BIRC6: variants seen among roughly 807,000 people sequenced by gnomAD.
The protein encoded by BIRC6 is dual E2 ubiquitin-conjugating enzyme/E3 ubiquitin-protein ligase BIRC6.
BIRC6 carries 98 observed loss-of-function variants against 503.3 expected under a neutral mutation model. The ratio of observed to expected loss-of-function variants is 0.19; its 90% CI spans 0.17 to 0.23. The LOEUF is 0.23. Ranked by LOEUF, BIRC6 falls within the 10% of genes least tolerant of loss-of-function variation. BIRC6 has a pLI of 1.00. For synonymous variants in BIRC6, 2,240 were observed against 2,078.7 expected (o/e 1.08, Z -2.11); for missense variants, 5,360 against 5,806.0 (o/e 0.92, Z 2.50).
Position 32,509,816 on chromosome 2 carries a change from A to T in BIRC6, c.10059A>T (p.Ala3353=). ...AAGGAATGATGGCAAGTGCAGCTGC[A>T]CCTACTGCTAATCTGCTGCAGACTT... The part of the protein sequence containing the change: ...DLEGMMASAA[A]PTANLLQTCA... The change falls in exon 52 of 74, where the codon GCA becomes GCT. Residue 3353 remains alanine, a synonymous_variant. Coordinates refer to ENST00000421745, the MANE Select transcript of BIRC6 (RefSeq NM_016252.4). 6.2e-7 allele frequency: 1 copy of T among 1,614,010 alleles called. No homozygotes were observed. The highest frequency in any genetic ancestry group is 8.5e-7 in the Non-Finnish European group (1 of 1,179,880).
intron 1 of BIRC6, among the ~76,000 whole-genome samples, chr2:32,376,356 T>C (rs2036780863): frequency 6.6e-6 from 1 of 152,160 alleles, no homozygotes; most frequent in African/African-American, 2.4e-5. Flanking sequence ...TATCACAGTT[T>C]TATAATATGT....
intron 1 of BIRC6, among the ~76,000 whole-genome samples, chr2:32,373,140 C>G (rs1274030377): frequency 6.6e-6 from 1 of 152,112 alleles, no homozygotes; most frequent in Non-Finnish European, 1.5e-5. Context: ...TCTATACTGC[C>G]CCAAACAATT....
At chr2:32,449,034 A>G (rs1317308905) in intron 22 of BIRC6, 106 bp downstream of exon 22, 5 of 1,067,596 alleles carry the variant, frequency 4.7e-6, no homozygotes, top group African/African-American at 1.6e-5. Flanking sequence ...TTAGAAAACT[A>G]AAATTCCTTA....
chr2:32,613,089 C>G (rs1046108105), intron 73 of BIRC6, among the ~76,000 whole-genome samples: 1 of 152,050 alleles, frequency 6.6e-6, no homozygotes, highest in Non-Finnish European at 1.5e-5. Context: ...GGCCTTTACA[C>G]ATGGTTTCCA....
At chr2:32,466,093 T>C (rs1245636623) in intron 26 of BIRC6, among the ~76,000 whole-genome samples, 1 of 152,204 alleles carries the variant, frequency 6.6e-6, no homozygotes, top group Non-Finnish European at 1.5e-5. Context: ...TCTTTCTTTT[T>C]TTTTAATAAT....
chr2:32,427,357 A>ACTGCAACCTCTGCCTCC (rs1366849623), intron 10 of BIRC6, among the ~76,000 whole-genome samples: 27 of 151,838 alleles, frequency 1.8e-4, no homozygotes, highest in Non-Finnish European at 2.9e-4. Context: ...ATCTCAGCTC[A>ACTGCAACCTCTGCCTCC]CTGCAACCTC....
At chr2:32,473,749 G>GTGTA (rs1219703396) in intron 33 of BIRC6, among the ~76,000 whole-genome samples, 1 of 81,190 alleles carries the variant, frequency 1.2e-5, no homozygotes, top group African/African-American at 4.9e-5. Context: ...GTGTGTGTGT[G>GTGTA]TATTTTTTTT....
In BIRC6 at chr2:32,448,830, T is replaced by A; in HGVS notation, c.4520T>A (p.Leu1507His). 1 of 1,613,602 alleles carries A rather than the reference T, an allele frequency of 6.2e-7. No homozygotes were observed. The highest frequency in any genetic ancestry group is 8.5e-7 in the Non-Finnish European group (1 of 1,179,638). ...TATAGCTCACCATTTGATCCAGTCC[T>A]CTTTGATTTGGAGATGAGTGGCTCT... is the stretch of plus-strand genomic sequence containing the variant. Reference protein sequence around the residue: ...GLYSSPFDPVLFDLEMSGSSC... With the variant: ...GLYSSPFDPVHFDLEMSGSSC... The change falls in exon 22 of 74, where the codon CTC (leucine) becomes CAC (histidine). Residue 1507 changes from leucine to histidine, a missense_variant. By Grantham distance (99) the Leu-to-His change is moderately conservative. Around this residue, in one of 16 missense-constraint regions of BIRC6, gnomAD observed 2,299 missense variants for 2,267.2 expected, o/e 1.01. Transcript: ENST00000421745.
intron 16 of BIRC6, among the ~76,000 whole-genome samples, 187 bp from the exon 17 acceptor site, chr2:32,441,142 T>TC (rs1359169750): frequency 6.6e-6 from 1 of 152,236 alleles, no homozygotes; most frequent in East Asian, 1.9e-4. Context: ...TGTCTTTTTT[T>TC]CCCCTATTAT....
intron 57 of BIRC6, among the ~76,000 whole-genome samples, chr2:32,524,078 C>T (rs1218210818): frequency 6.6e-6 from 1 of 150,822 alleles, no homozygotes; most frequent in East Asian, 1.9e-4. Flanking sequence ...GACTTGATAA[C>T]AGTTATATAG....
At chr2:32,420,032 C>T (rs558169984) in intron 10 of BIRC6, among the ~76,000 whole-genome samples, 3 of 152,156 alleles carry the variant, frequency 2.0e-5, no homozygotes, top group South Asian at 2.1e-4. Context: ...ATCAACTTTG[C>T]GTTCCTGGGA....
intron 21 of BIRC6, among the ~76,000 whole-genome samples, 165 bp from the exon 22 acceptor site, chr2:32,448,630 G>GGGAGACCGTGGAA (rs2046348994): frequency 6.6e-6 from 1 of 151,894 alleles, no homozygotes; most frequent in Non-Finnish European, 1.5e-5. Flanking sequence ...CGGCATCAGA[G>GGGAGACCGTGGAA]GGAGACCGTG....
Position 32,543,256 on chromosome 2 carries a change from G to A in BIRC6, c.12307G>A (p.Val4103Ile), listed in dbSNP as rs760932810. 6.2e-7 allele frequency: 1 copy of A among 1,613,768 alleles called. No individual in the cohort carries two copies. The highest frequency in any genetic ancestry group is 8.5e-7 in the Non-Finnish European group (1 of 1,179,688). ...EVIQQVSAPV[V>I]TSTTQEKPKD... ...TTTTCTTTAGGTGAGTGCTCCAGTT[G>A]TAACATCTACCACTCAGGAAAAGCC... is the stretch of plus-strand genomic sequence containing the variant. The change falls in exon 62 of 74, where the codon GTA becomes ATA. Residue 4103 changes from valine (V) to isoleucine (I), a missense_variant. This residue lies in a region of BIRC6 where 878 missense variants were observed against 928.9 expected (regional missense o/e 0.95). Coordinates refer to ENST00000421745, the MANE Select transcript of BIRC6 (RefSeq NM_016252.4).
rs993574623 is a variant in BIRC6, at chr2:32,474,911, C to T, written c.6721-1302C>T. On this transcript the variant is annotated intron_variant, in intron 33 of 73. Coordinates refer to ENST00000421745, the MANE Select transcript of BIRC6 (RefSeq NM_016252.4). ...CAGCCAAGTGGATTTTTAAAAATAA[C>T]GTTAGTGATGTTTTTTTTCCTGATA... is the stretch of plus-strand genomic sequence containing the variant. Among the ~76,000 whole-genome samples the T allele has an allele frequency of 2.6e-5, 4 of 151,538 alleles. No individual in the cohort carries two copies. In the East Asian group the frequency reaches 5.8e-4, roughly 22 times the overall value.
At chr2:32,448,651 G>A (rs543042720) in intron 21 of BIRC6, 144 bp from the exon 22 acceptor site, 22 of 632,340 alleles carry the variant, frequency 3.5e-5, no homozygotes, top group African/African-American at 1.1e-4. Flanking sequence ...GAAGGGGACC[G>A]TGGAGAGGGG....
Position 32,501,886 on chromosome 2 carries a change from C to G in BIRC6, c.9205C>G (p.Gln3069Glu), listed in dbSNP as rs948687637. 2 of 1,597,548 alleles carry G rather than the reference C, an allele frequency of 1.3e-6. No homozygotes were observed. The highest frequency in any genetic ancestry group is 2.7e-5 in the African/African-American group (2 of 73,994). ...TYMACGYMGR[Q>E]GSLATCQLSE... The stretch of plus-strand genomic sequence containing the variant: ...CATGGCCTGTGGATATATGGGCAGA[C>G]AAGTAAGTTCAAGCCAACAACAGTT... Residue 3069 changes from glutamine to glutamate, a missense_variant and splice_region_variant, in exon 47 of 74, where the codon CAA becomes GAA. Coordinates refer to ENST00000421745, the MANE Select transcript of BIRC6 (RefSeq NM_016252.4).
At chr2:32,491,179 C>T (rs560914070) in intron 43 of BIRC6, among the ~76,000 whole-genome samples, 23 of 152,242 alleles carry the variant, frequency 1.5e-4, no homozygotes, top group African/African-American at 5.3e-4. Flanking sequence ...TTCTGTTTGA[C>T]TGTACTAAAT....
At position 32,443,510 on chromosome 2, in the gene BIRC6, T is replaced by A; in HGVS notation, c.4258T>A (p.Cys1420Ser). The change falls in exon 20 of 74, where the codon TGT becomes AGT. Residue 1420 changes from cysteine (C) to serine (S), a missense_variant. Coordinates refer to ENST00000421745, the MANE Select transcript of BIRC6 (RefSeq NM_016252.4). ...TTTCAGTAATGGCAAATGTGACCCA[T>A]GTCAACCAGCATTTGGACCTGTTCT... ...LCISNGKCDP[C>S]QPAFGPVLLK... 6.2e-7 allele frequency: 1 copy of A among 1,606,512 alleles called. No homozygotes were observed.
chr2:32,460,574 G>A (rs1371257105), intron 23 of BIRC6, among the ~76,000 whole-genome samples: 2 of 151,670 alleles, frequency 1.3e-5, no homozygotes, highest in African/African-American at 2.4e-5. Flanking sequence ...ACCATGCCTG[G>A]CCCAGCCCTA....
Sources: allele counts gnomAD v4.1 joint callset (sites outside exome capture counted in the v4.1 genomes callset), GRCh38; gene constraint gnomAD v4.1.1; regional missense constraint gnomAD v4.1.1; transcripts MANE v1.5; gene names NCBI Gene and HGNC (gene_info 2026-07-23, HGNC 2026-07-21).